CHD6: variants seen among roughly 807,000 people sequenced by gnomAD.
The protein encoded by CHD6 is chromodomain helicase DNA binding protein 6.
A neutral mutation model predicts 276.9 loss-of-function variants in CHD6; 50 were observed. That is an observed-to-expected ratio of 0.18 (90% CI 0.14 to 0.23). CHD6 has a LOEUF of 0.23. Among genes scored for constraint, CHD6 ranks in the 10% least tolerant of loss-of-function variants. The pLI is 1.00. For synonymous variants in CHD6, 1,173 were observed against 1,229.3 expected, an observed-to-expected ratio of 0.95 and a Z score of 0.96; for missense variants, 2,564 against 3,365.8, an observed-to-expected ratio of 0.76 and a Z score of 5.89.
intron 1 of CHD6, among the ~76,000 whole-genome samples, chr20:41,569,592 C>G (rs2045394952): frequency 6.6e-6 from 1 of 152,038 alleles, no homozygotes; most frequent in African/African-American, 2.4e-5. Flanking sequence ...ATATCCAGAT[C>G]AAAAAGTAAC....
intron 36 of CHD6, among the ~76,000 whole-genome samples, chr20:41,409,825 G>A (rs950675736): frequency 4.6e-5 from 7 of 152,170 alleles, no homozygotes; most frequent in African/African-American, 1.7e-4. Context: ...GATATGTCAT[G>A]TCTGCAATTT....
Position 41,493,864 on chromosome 20 carries a change from T to C in CHD6, c.1173A>G (p.Thr391=). The C allele has an allele frequency of 6.2e-7, 1 of 1,613,426 alleles. No individual in the cohort carries two copies. Among genetic ancestry groups the C allele is most frequent in the East Asian group, 2.2e-5 (1 of 44,794 alleles). Residue 391 remains threonine, a synonymous_variant, in exon 9 of 37, where the codon ACA becomes ACG. Transcript: ENST00000373233. ...AGGAGAGGCAAATACCCACCTCCCC[T>C]GTTTCTGCATCCTTGGTGTGGGCCA... is the stretch of plus-strand genomic sequence containing the variant. ...LEVAHTKDAE[T]GEEVTHYLVK...
chr20:41,534,123 T>G (rs950248474), intron 2 of CHD6, among the ~76,000 whole-genome samples: 2 of 152,190 alleles, frequency 1.3e-5, no homozygotes, highest in African/African-American at 4.8e-5. Flanking sequence ...TTGCAAAAAA[T>G]ATTTACAACT....
chr20:41,512,703 A>G (rs1372841315), intron 5 of CHD6, 143 bp downstream of exon 5: 3 of 888,774 alleles, frequency 3.4e-6, no homozygotes, highest in African/African-American at 3.3e-5. Context: ...GTCATTCCCA[A>G]TGCAACAGGA....
At chr20:41,430,135 T>A (rs1181004800) in intron 27 of CHD6, among the ~76,000 whole-genome samples, 1 of 152,118 alleles carries the variant, frequency 6.6e-6, no homozygotes, top group East Asian at 1.9e-4. Flanking sequence ...TCCCTCTATG[T>A]GTGTGTGGTT....
intron 27 of CHD6, among the ~76,000 whole-genome samples, chr20:41,432,725 T>C (rs1197226529): frequency 6.6e-6 from 1 of 151,716 alleles, no homozygotes; most frequent in East Asian, 1.9e-4. Flanking sequence ...CAAGAAGACC[T>C]CAAACTGAAT....
At chr20:41,535,255 C>A (rs1221332156) in intron 2 of CHD6, among the ~76,000 whole-genome samples, 2 of 152,176 alleles carry the variant, frequency 1.3e-5, no homozygotes, top group African/African-American at 4.8e-5. Context: ...GCAAGAGCTG[C>A]AGCTAACATT....
chr20:41,545,843 G>A (rs973070063), intron 2 of CHD6, among the ~76,000 whole-genome samples: 5 of 151,898 alleles, frequency 3.3e-5, no homozygotes, highest in African/African-American at 1.2e-4. Flanking sequence ...CTTTCCTCCT[G>A]AGGACCCTGA....
intron 1 of CHD6, among the ~76,000 whole-genome samples, chr20:41,608,113 G>A (rs547204908): frequency 6.6e-6 from 1 of 152,158 alleles, no homozygotes; most frequent in South Asian, 2.1e-4. Flanking sequence ...GAGGGATCTG[G>A]GGAAAAAATC....
Position 41,474,544 on chromosome 20 carries a change from T to C in CHD6, c.2469-1027A>G, listed in dbSNP as rs140876464. ...GAACTGGTTAGTGAAGCAGAAGTAA[T>C]AGGAAACGTGTGAGAAAAGAACCAA... is the stretch of plus-strand genomic sequence containing the variant. On this transcript the variant is annotated intron_variant, in intron 16 of 36. Transcript: ENST00000373233. Among the ~76,000 whole-genome samples the C allele has an allele frequency of 1.4e-3, 213 of 152,090 alleles. 1 individual carries two copies. In the Middle Eastern group the frequency reaches 0.02, roughly 15 times the overall value.
chr20:41,457,867 A>T (rs1046308911), intron 17 of CHD6, among the ~76,000 whole-genome samples: 2 of 152,214 alleles, frequency 1.3e-5, no homozygotes, highest in African/African-American at 4.8e-5. Flanking sequence ...ATGACCTCTT[A>T]CGGACAATCT....
At chr20:41,426,221 G>C (rs2047359129) in intron 27 of CHD6, 68 bp from the exon 28 acceptor site, 6 of 1,106,216 alleles carry the variant, frequency 5.4e-6, no homozygotes, top group Non-Finnish European at 8.4e-6. Context: ...AGAAAGTCTT[G>C]AAACGGAAAG....
chr20:41,418,590 G>GT lies in CHD6; in HGVS notation c.6128-1242dup, dbSNP rs201492237. On this transcript the variant is annotated intron_variant, in intron 31 of 36. Coordinates refer to ENST00000373233, the MANE Select transcript of CHD6 (RefSeq NM_032221.5). ...TTTTAAGCAGAGGAGTTGAATTTAA[G>GT]TTTTTTTTTTTTAAAAGCAAAATCA... 5.8e-3 allele frequency among the ~76,000 whole-genome samples: 857 copies of GT among 147,184 alleles called. 3 individuals carry two copies. Among genetic ancestry groups the GT allele is most frequent in the Admixed American group, 8.4e-3 (125 of 14,804 alleles).
At chr20:41,607,767 A>G (rs1404906090) in intron 1 of CHD6, among the ~76,000 whole-genome samples, 2 of 51,318 alleles carry the variant, frequency 3.9e-5, no homozygotes, top group Non-Finnish European at 5.7e-5. Flanking sequence ...ATTCCACAGG[A>G]AAAAAAAAAA....
intron 13 of CHD6, among the ~76,000 whole-genome samples, chr20:41,488,079 G>C (rs1220431328): frequency 6.6e-6 from 1 of 152,132 alleles, no homozygotes; most frequent in Non-Finnish European, 1.5e-5. Context: ...CCAGATACTG[G>C]GCACTGTGCC....
chr20:41,409,319 G>C (rs1448049999), intron 36 of CHD6, among the ~76,000 whole-genome samples: 1 of 152,148 alleles, frequency 6.6e-6, no homozygotes, highest in Admixed American at 6.5e-5. Flanking sequence ...TTATACCCTG[G>C]GAGCAAACCT....
rs185239956 is a variant in CHD6 at position 41,611,691 on chromosome 20, C to T, written c.-24+6649G>A. ...AGGCTGGAGTGCGATGGCGTGATCTCAGTTCACTGGATCTCAGTTCACTGC... is the reference window on the plus strand; with the variant it reads ...AGGCTGGAGTGCGATGGCGTGATCTTAGTTCACTGGATCTCAGTTCACTGC... On this transcript the variant is annotated intron_variant, in intron 1 of 36. Coordinates refer to ENST00000373233, the MANE Select transcript of CHD6 (RefSeq NM_032221.5). Among the ~76,000 whole-genome samples, 401 of 152,054 alleles carry T rather than the reference C, an allele frequency of 2.6e-3. 3 individuals are homozygous for T. Among genetic ancestry groups the T allele is most frequent in the Non-Finnish European group, 4.2e-3 (284 of 67,984 alleles).
intron 16 of CHD6, among the ~76,000 whole-genome samples, chr20:41,474,466 T>C (rs2043127818): frequency 6.6e-6 from 1 of 152,120 alleles, no homozygotes; most frequent in Non-Finnish European, 1.5e-5. Flanking sequence ...CCTGACAACA[T>C]ATGAATTAAC....
At position 41,420,917 on chromosome 20, in the gene CHD6, T is replaced by G. The variant is rs772005591; in HGVS notation, c.5718A>C (p.Gln1906His). 1.9e-6 allele frequency: 3 copies of G among 1,614,216 alleles called. No individual in the cohort carries two copies. In the East Asian group the frequency reaches 6.7e-5, roughly 36 times the overall value. The change falls in exon 31 of 37, where the codon CAA (glutamine) becomes CAC (histidine). Residue 1906 changes from glutamine (Q) to histidine (H), a missense_variant. Transcript: ENST00000373233. ...CTTTCTTGGTTTCATCTTGGAAGCC[T>G]TGGTTCTTTTCCCTTGAGATGTTAG... ...PTTNISREKN[Q>H]GFQDETKKGS...
Sources: allele counts gnomAD v4.1 joint callset (sites outside exome capture counted in the v4.1 genomes callset), GRCh38; gene constraint gnomAD v4.1.1; transcripts MANE v1.5; gene names NCBI Gene and HGNC (gene_info 2026-07-23, HGNC 2026-07-21).